Variants in CHSY1 observed in about 807,000 individuals in gnomAD.
The protein encoded by CHSY1 is N-acetylgalactosaminyl-proteoglycan 3-beta-glucuronosyltransferase 1.
In CHSY1, 13 loss-of-function variants were observed where a neutral mutation model predicts 59.8. That is an observed-to-expected ratio of 0.22 (90% CI 0.14 to 0.35). CHSY1 has a LOEUF of 0.35. Among genes scored for constraint, CHSY1 ranks in the 10% least tolerant of loss-of-function variants. The pLI is 1.00. For missense variants in CHSY1, 947 were observed against 1,030.6 expected (o/e 0.92, Z 1.11); for synonymous variants, 459 against 401.2 (o/e 1.14, Z -1.72).
At chr15:101,203,776 G>A (rs1308788672) in intron 2 of CHSY1, among the ~76,000 whole-genome samples, 1 of 152,146 alleles carries the variant, frequency 6.6e-6, no homozygotes, top group African/African-American at 2.4e-5. Flanking sequence ...CCAGACTGAA[G>A]GACAAATAAC....
At position 101,209,209 on chromosome 15, in the gene CHSY1, T is replaced by C. The variant is rs543086391; in HGVS notation, c.816+25873A>G. Among the ~76,000 whole-genome samples the C allele has an allele frequency of 3.9e-5, 6 of 152,324 alleles. No individual in the cohort carries two copies. The South Asian group carries it at 1.2e-3, about 32-fold the overall frequency. On this transcript the variant is annotated intron_variant, in intron 2 of 2. Coordinates refer to ENST00000254190, the MANE Select transcript of CHSY1 (RefSeq NM_014918.5). ...AAACCAAAATCACAAACTGTTAGGA[T>C]ACAAAGAGAACACAGCAACGCTTCT... is the stretch of plus-strand genomic sequence containing the variant.
rs2141235047 is a variant in CHSY1, at chr15:101,177,958, G to T, written c.1839C>A (p.Ala613=). The T allele has an allele frequency of 1.2e-6, 2 of 1,614,128 alleles. No homozygotes were observed. Among genetic ancestry groups the T allele is most frequent in the East Asian group, 2.2e-5 (1 of 44,886 alleles). The change falls in exon 3 of 3, where the codon GCC becomes GCA. Residue 613 remains alanine (A), a synonymous_variant. Transcript: ENST00000254190. ...PVSGEFSRAL[A]LEVGSSQFNN... The stretch of plus-strand genomic sequence containing the variant: ...TAAACTGGGAGGATCCTACTTCCAG[G>T]GCCAGGGCTCTTGAAAACTCTCCAG...
At chr15:101,198,671 C>A (rs917771941) in intron 2 of CHSY1, among the ~76,000 whole-genome samples, 1 of 152,200 alleles carries the variant, frequency 6.6e-6, no homozygotes. Context: ...AAACAGCAGT[C>A]GTAGTACCAG....
chr15:101,201,476 G>A lies in CHSY1; in HGVS notation c.817-22496C>T, dbSNP rs186513702. 2.6e-4 allele frequency among the ~76,000 whole-genome samples: 40 copies of A among 152,340 alleles called. No homozygotes were observed. The South Asian group carries it at 3.3e-3, about 13-fold the overall frequency. The stretch of plus-strand genomic sequence containing the variant: ...GAACAAGGAGGAAGCCAATGAGCCC[G>A]CCCAGCCTAACTCCTTCCCATCCTT... On this transcript the variant is annotated intron_variant, in intron 2 of 2. Transcript: ENST00000254190.
At position 101,251,211 on chromosome 15, in the gene CHSY1, G is replaced by A. The variant is rs1360747375; in HGVS notation, c.246C>T (p.Arg82=). ...CTCCCACGAAGAGAAAGTTCCTGTC[G>A]CGCGGGCCGCCATCTGGGTCCGAGC... ...PPGSDPDGGP[R]DRNFLFVGVM... Residue 82 remains arginine (R), a synonymous_variant, in exon 1 of 3, where the codon CGC becomes CGT. Coordinates refer to ENST00000254190, the MANE Select transcript of CHSY1 (RefSeq NM_014918.5). 3.1e-6 allele frequency: 5 copies of A among 1,594,922 alleles called. No homozygotes were observed. The highest frequency in any genetic ancestry group is 4.3e-6 in the Non-Finnish European group (5 of 1,174,842).
chr15:101,186,147 C>CAA (rs35398576), intron 2 of CHSY1, among the ~76,000 whole-genome samples: 1,139 of 79,520 alleles, frequency 0.014, 31 homozygotes, highest in African/African-American at 0.044. Context: ...TTGTCTCTAC[C>CAA]AAAAAAAAAA....
Position 101,177,863 on chromosome 15 carries a change from C to T in CHSY1, c.1934G>A (p.Arg645Gln), listed in dbSNP as rs375906150. The change falls in exon 3 of 3, where the codon CGA becomes CAA. Residue 645 changes from arginine to glutamine, a missense_variant. By Grantham distance (43) the Arg-to-Gln change is conservative. Transcript: ENST00000254190. The part of the protein sequence containing the change: ...VFTTEFLQRC[R>Q]ANTVLGQQIY... ...TTGTTGGCCCAGAACTGTATTTGCT[C>T]GACATCGCTGAAGGAATTCTGTAGT... 5.0e-6 allele frequency: 8 copies of T among 1,614,152 alleles called. No homozygotes were observed. Among genetic ancestry groups the T allele is most frequent in the Admixed American group, 3.3e-5 (2 of 60,022 alleles).
At chr15:101,239,806 G>C (rs1021732654) in intron 1 of CHSY1, among the ~76,000 whole-genome samples, 1 of 152,056 alleles carries the variant, frequency 6.6e-6, no homozygotes, top group Non-Finnish European at 1.5e-5. Flanking sequence ...CAAATTTCAC[G>C]AGCATTTCGC....
intron 2 of CHSY1, among the ~76,000 whole-genome samples, chr15:101,218,672 G>A (rs1344278658): frequency 6.6e-6 from 1 of 152,200 alleles, no homozygotes; most frequent in African/African-American, 2.4e-5. Flanking sequence ...AGGCTGAGGT[G>A]GGAGATTGTT....
chr15:101,183,185 C>G (rs984427523), intron 2 of CHSY1, among the ~76,000 whole-genome samples: 7 of 151,900 alleles, frequency 4.6e-5, no homozygotes, highest in Non-Finnish European at 2.9e-5. Context: ...AGTATTCATT[C>G]TAGGAACAAA....
Position 101,227,546 on chromosome 15 carries a change from G to C in CHSY1, c.816+7536C>G, listed in dbSNP as rs78948373. On this transcript the variant is annotated intron_variant, in intron 2 of 2. Transcript: ENST00000254190. ...AGCAGGGAATAAGATGCAATATGGG[G>C]TTTTGAAAAAGCTTCAATATATTAC... Among the ~76,000 whole-genome samples the C allele has an allele frequency of 3.0e-3, 460 of 152,278 alleles. 2 individuals are homozygous for C. Among genetic ancestry groups the C allele is most frequent in the African/African-American group, 0.011 (444 of 41,556 alleles).
At chr15:101,199,620 T>C (rs1176638100) in intron 2 of CHSY1, among the ~76,000 whole-genome samples, 1 of 152,196 alleles carries the variant, frequency 6.6e-6, no homozygotes, top group East Asian at 1.9e-4. Context: ...GTGACATGTA[T>C]TTTACCAGTT....
chr15:101,235,633 G>T, intron 1 of CHSY1, 56 bp from the exon 2 acceptor site: 1 of 1,566,578 alleles, frequency 6.4e-7, no homozygotes, highest in South Asian at 1.1e-5. Flanking sequence ...TGATTTTCAG[G>T]AATTCACGTT....
At position 101,231,778 on chromosome 15, in the gene CHSY1, T is replaced by C. The variant is rs536318936; in HGVS notation, c.816+3304A>G. Among the ~76,000 whole-genome samples the C allele has an allele frequency of 3.0e-4, 46 of 152,372 alleles. 1 individual carries two copies. In the South Asian group the frequency reaches 9.1e-3, roughly 30 times the overall value. On this transcript the variant is annotated intron_variant, in intron 2 of 2. Coordinates refer to ENST00000254190, the MANE Select transcript of CHSY1 (RefSeq NM_014918.5). ...GTTACTTAAGTCAATTTTCTTTTTG[T>C]TCCCTCTTAAGAGTAGTATAGCTTT...
chr15:101,230,321 C>T (rs2038881382), intron 2 of CHSY1, among the ~76,000 whole-genome samples: 1 of 152,152 alleles, frequency 6.6e-6, no homozygotes, highest in African/African-American at 2.4e-5. Flanking sequence ...GGTTCTCAGG[C>T]CTGCGAGTTT....
At chr15:101,237,492 G>A (rs571311820) in intron 1 of CHSY1, among the ~76,000 whole-genome samples, 1 of 152,166 alleles carries the variant, frequency 6.6e-6, no homozygotes, top group East Asian at 1.9e-4. Flanking sequence ...CATCAACAGA[G>A]GGAAGATGAG....
chr15:101,189,461 A>G (rs1002448403), intron 2 of CHSY1: 2 of 985,508 alleles, frequency 2.0e-6, no homozygotes, highest in Non-Finnish European at 2.4e-6. Flanking sequence ...GAAGGGATGG[A>G]GCTCGGGGGG....
At chr15:101,251,079 G>A in intron 1 of CHSY1, 58 bp downstream of exon 1, 1 of 1,484,520 alleles carries the variant, frequency 6.7e-7, no homozygotes, top group Non-Finnish European at 9.0e-7. Flanking sequence ...GAGCACCCGG[G>A]ATGCCGGCCG....
intron 2 of CHSY1, among the ~76,000 whole-genome samples, chr15:101,229,988 C>A (rs1014970049): frequency 2.0e-5 from 3 of 150,870 alleles, no homozygotes; most frequent in Non-Finnish European, 3.0e-5. Flanking sequence ...TTTGCCCAGG[C>A]TGGAGTGAAG....
Sources: gnomAD v4.1 joint callset for allele counts (sites outside exome capture counted in the v4.1 genomes callset) on GRCh38, gnomAD v4.1.1 for gene constraint, MANE v1.5 for transcripts, NCBI Gene and HGNC (gene_info 2026-07-23, HGNC 2026-07-21) for gene names.